The following ZNF462 variants were observed in gnomAD, a reference collection of about 807,000 sequenced individuals.
The protein encoded by ZNF462 is zinc finger PBX1-interacting protein.
ZNF462 carries 10 observed loss-of-function variants against 201.9 expected under a neutral mutation model. The ratio of observed to expected loss-of-function variants is 0.05; its 90% confidence interval spans 0.03 to 0.08. The LOEUF (loss-of-function observed/expected upper bound fraction) is 0.08, where lower values mean the gene tolerates loss of function less well. Among genes scored for constraint, ZNF462 ranks in the 10% least tolerant of loss-of-function variants. ZNF462 has a pLI of 1.00. For missense variants in ZNF462, 2,523 were observed against 3,168.3 expected (o/e 0.80, Z 4.89); for synonymous variants, 1,227 against 1,193.3 (o/e 1.03, Z -0.58).
intron 9 of ZNF462, among the ~76,000 whole-genome samples, chr9:106,983,090 G>A (rs999302214): frequency 2.6e-5 from 4 of 152,132 alleles, no homozygotes; most frequent in Non-Finnish European, 5.9e-5. Context: ...TTTGATTCTT[G>A]CATAAATAGC....
At position 106,902,857 on chromosome 9, in the gene ZNF462, A is replaced by G. The variant is rs1829120062; in HGVS notation, c.-30-20497A>G. On this transcript the variant is annotated intron_variant, in intron 1 of 12. Transcript: ENST00000277225. The surrounding 1 kb of genome is among the most constrained non-coding windows in gnomAD (Gnocchi z 4.2). ...TGCTAATGGTCTATCAATTTTATTT[A>G]TCTTCTCAAAGAACCAGCTTTTGTT... is the stretch of plus-strand genomic sequence containing the variant. Among the ~76,000 whole-genome samples, 2 of 151,522 alleles carry G rather than the reference A, an allele frequency of 1.3e-5. No individual in the cohort carries two copies. The highest frequency in any genetic ancestry group is 6.6e-5 in the Admixed American group (1 of 15,214).
Position 107,010,816 on chromosome 9 carries a change from T to C in ZNF462, c.7314-7T>C. The C allele has an allele frequency of 6.2e-7, 1 of 1,609,686 alleles. No homozygotes were observed. Among genetic ancestry groups the C allele is most frequent in the East Asian group, 2.2e-5 (1 of 44,504 alleles). The stretch of plus-strand genomic sequence containing the variant: ...CTCATCTGTCTCTTCGATAAATGTT[T>C]TTCCAGGGCATTGAATGACACCAAG... On this transcript the variant is annotated splice_region_variant and splice_polypyrimidine_tract_variant and intron_variant, in intron 12 of 12. Coordinates refer to ENST00000277225, the MANE Select transcript of ZNF462 (RefSeq NM_021224.6). This position sits in a 1 kb window ranked among gnomAD's most constrained non-coding sequence, Gnocchi z 4.6.
Position 106,928,678 on chromosome 9 carries a change from T to C in ZNF462, c.4766T>C (p.Leu1589Ser). The change falls in exon 3 of 13, where the codon TTG (leucine) becomes TCG (serine). Residue 1589 changes from leucine to serine, a missense_variant. Leu to Ser is a moderately radical substitution (Grantham distance 145). This residue lies in a region of ZNF462 where 200 missense variants were observed against 281.3 expected (regional missense o/e 0.71). Transcript: ENST00000277225. This position sits in a 1 kb window ranked among gnomAD's most constrained non-coding sequence, Gnocchi z 9.3. The stretch of plus-strand genomic sequence containing the variant: ...CTGTGTCCGTACACACACGGCACTT[T>C]GGAGAAACTAAAAATCCACTACGAG... ...CKLCPYTHGTLEKLKIHYEKY... is the reference protein window; with the variant it reads ...CKLCPYTHGTSEKLKIHYEKY... The C allele has an allele frequency of 8.1e-6, 13 of 1,614,146 alleles. No homozygotes were observed. The highest frequency in any genetic ancestry group is 1.1e-5 in the Non-Finnish European group (13 of 1,180,030).
rs772603965 is a variant in ZNF462 at position 106,974,381 on chromosome 9, C to CACCTT, written c.6832+110_6832+114dup. On this transcript the variant is annotated intron_variant, in intron 9 of 12. Transcript: ENST00000277225. This position sits in a 1 kb window ranked among gnomAD's most constrained non-coding sequence, Gnocchi z 4.0. ...GCAGTAGCACCTGTGCCTTGTTCCT[C>CACCTT]ACCTTATCTTCAGGCAAGAAACCAC... 6.5e-7 allele frequency: 1 copy of CACCTT among 1,531,072 alleles called. No homozygotes were observed. Among genetic ancestry groups the CACCTT allele is most frequent in the South Asian group, 1.1e-5 (1 of 88,748 alleles). The allele number at this position is 1,531,072 out of a possible 1,614,324, so 94.8% of individuals were successfully genotyped here. A position where few individuals can be genotyped will look rare whatever the true frequency, so the allele number is the denominator to read the frequency against.
chr9:106,955,279 C>T (rs1198581645), intron 7 of ZNF462, among the ~76,000 whole-genome samples: 3 of 152,090 alleles, frequency 2.0e-5, no homozygotes, highest in Non-Finnish European at 4.4e-5. Context: ...AAAAGTCATA[C>T]AAATCTTTTG....
rs1829630927 is a variant in ZNF462, at chr9:106,913,381, A to G, written c.-30-9973A>G. On this transcript the variant is annotated intron_variant, in intron 1 of 12. Coordinates refer to ENST00000277225, the MANE Select transcript of ZNF462 (RefSeq NM_021224.6). This position sits in a 1 kb window ranked among gnomAD's most constrained non-coding sequence, Gnocchi z 4.1. ...ATTTTCTCCTGGAAAGCAGGCCTGC[A>G]TACAGTTAGTACTCATAGCACAAAT... 1.3e-5 allele frequency among the ~76,000 whole-genome samples: 2 copies of G among 152,294 alleles called. No homozygotes were observed. Among genetic ancestry groups the G allele is most frequent in the South Asian group, 4.1e-4 (2 of 4,822 alleles).
rs938577169 is a variant in ZNF462 at position 106,956,491 on chromosome 9, A to G, written c.6428-15514A>G. Among the ~76,000 whole-genome samples, 7 of 152,280 alleles carry G rather than the reference A, an allele frequency of 4.6e-5. No homozygotes were observed. In the Middle Eastern group the frequency reaches 0.014, roughly 296 times the overall value. Reference sequence around the variant, plus strand: ...AATTTTAAAGGATTTTTTGAATGGGAAAAGCACTGCTGTCAACATAAAGTC... The same window carrying G: ...AATTTTAAAGGATTTTTTGAATGGGGAAAGCACTGCTGTCAACATAAAGTC... On this transcript the variant is annotated intron_variant, in intron 7 of 12. Coordinates refer to ENST00000277225, the MANE Select transcript of ZNF462 (RefSeq NM_021224.6).
rs138259173 is a variant in ZNF462 at position 106,876,497 on chromosome 9, G to C, written c.-31+13142G>C. ...GTCCCTTTACTGATGAGTAGTCTTT[G>C]CTGCAGTTGTCCATTCCCAGCTAGA... On this transcript the variant is annotated intron_variant, in intron 1 of 12. Coordinates refer to ENST00000277225, the MANE Select transcript of ZNF462 (RefSeq NM_021224.6). This position sits in a 1 kb window ranked among gnomAD's most constrained non-coding sequence, Gnocchi z 4.9. Among the ~76,000 whole-genome samples, 38 of 152,260 alleles carry C rather than the reference G, an allele frequency of 2.5e-4. No individual in the cohort carries two copies. The highest frequency in any genetic ancestry group is 4.9e-4 in the Non-Finnish European group (33 of 68,040).
Position 107,011,331 on chromosome 9 carries a change from T to C in ZNF462, c.*301T>C, listed in dbSNP as rs1829913852. On this transcript the variant is annotated 3_prime_UTR_variant, in exon 13 of 13. Transcript: ENST00000277225. The surrounding 1 kb of genome is among the most constrained non-coding windows in gnomAD (Gnocchi z 5.6). ...CACCTCCCAATGGTACGGTGCACCC[T>C]GTGGTGGTCTTGGACAGTATGTGGA... 8.8e-6 allele frequency: 3 copies of C among 342,192 alleles called. No homozygotes were observed. 21.2% of individuals were successfully genotyped at this position (342,192 alleles called of 1,614,324 possible).
chr9:106,862,955 C>CTCTT, upstream of ZNF462: 1 of 395,544 alleles, frequency 2.5e-6, no homozygotes, highest in Non-Finnish European at 4.4e-6. The surrounding 1 kb of genome is among the most constrained non-coding windows in gnomAD (Gnocchi z 4.2). Context: ...TCTTCCTTCT[C>CTCTT]TCTTTCTGTC....
At chr9:106,921,748 G>T (rs1276091105) in intron 1 of ZNF462, among the ~76,000 whole-genome samples, 2 of 152,174 alleles carry the variant, frequency 1.3e-5, no homozygotes, top group Admixed American at 6.6e-5. Context: ...TGGACTGTGC[G>T]AAAGGAGAAG....
intron 1 of ZNF462, among the ~76,000 whole-genome samples, chr9:106,915,219 T>C (rs963770352): frequency 3.3e-5 from 5 of 151,918 alleles, no homozygotes; most frequent in Non-Finnish European, 7.4e-5. Context: ...TTTTTCTTTT[T>C]TTTTTTAAAA....
chr9:106,929,819 G>A lies in ZNF462; in HGVS notation c.5847+60G>A. On this transcript the variant is annotated intron_variant, in intron 3 of 12. Transcript: ENST00000277225. This position sits in a 1 kb window ranked among gnomAD's most constrained non-coding sequence, Gnocchi z 8.7. ...GGCCTCTCATCACTGGTGCCCACAT[G>A]CACTTCTTCGTTGCCAGCCAAACTG... 1.4e-6 allele frequency: 2 copies of A among 1,467,408 alleles called. No individual in the cohort carries two copies. Among genetic ancestry groups the A allele is most frequent in the South Asian group, 2.7e-5 (2 of 75,274 alleles). 90.9% of individuals were successfully genotyped at this position (1,467,408 alleles called of 1,614,324 possible).
intron 1 of ZNF462, among the ~76,000 whole-genome samples, chr9:106,889,745 C>T (rs886849890): frequency 5.3e-5 from 8 of 152,156 alleles, no homozygotes; most frequent in African/African-American, 2.4e-5. Flanking sequence ...CTTTCAGAGG[C>T]TCATAATCTA....
Position 106,993,868 on chromosome 9 carries a change from C to T in ZNF462, c.7057-9426C>T, listed in dbSNP as rs889533331. On this transcript the variant is annotated intron_variant, in intron 10 of 12. Coordinates refer to ENST00000277225, the MANE Select transcript of ZNF462 (RefSeq NM_021224.6). This position sits in a 1 kb window ranked among gnomAD's most constrained non-coding sequence, Gnocchi z 4.0. ...CAAGCAATCCTCCCACCTTGGCTTC[C>T]CAAAGTACAGGAATTGCAGGTGTGA... Among the ~76,000 whole-genome samples, 9 of 152,076 alleles carry T rather than the reference C, an allele frequency of 5.9e-5. No individual in the cohort carries two copies. Among genetic ancestry groups the T allele is most frequent in the African/African-American group, 2.2e-4 (9 of 41,406 alleles).
rs1045925486 is a variant in ZNF462, at chr9:106,865,057, C to T, written c.-31+1702C>T. Among the ~76,000 whole-genome samples the T allele has an allele frequency of 6.6e-6, 1 of 152,058 alleles. No homozygotes were observed. Among genetic ancestry groups the T allele is most frequent in the African/African-American group, 2.4e-5 (1 of 41,396 alleles). ...TTGCTTGCCTACTCCTTCTCTCTTT[C>T]CAGAGGGAAACCTTGTGGTGGTTCC... On this transcript the variant is annotated intron_variant, in intron 1 of 12. Transcript: ENST00000277225. This position sits in a 1 kb window ranked among gnomAD's most constrained non-coding sequence, Gnocchi z 4.1.
At chr9:106,914,792 G>A (rs1390681394) in intron 1 of ZNF462, among the ~76,000 whole-genome samples, 1 of 152,164 alleles carries the variant, frequency 6.6e-6, no homozygotes, top group East Asian at 1.9e-4. Flanking sequence ...ACTGTGTGTG[G>A]GTTGGTGGTG....
At position 106,933,104 on chromosome 9, in the gene ZNF462, T is replaced by C. The variant is rs1830488744; in HGVS notation, c.6116+555T>C. 6.3e-6 allele frequency: 1 copy of C among 159,826 alleles called. No homozygotes were observed. Among genetic ancestry groups the C allele is most frequent in the South Asian group, 1.7e-4 (1 of 5,770 alleles). 9.9% of individuals were successfully genotyped at this position (159,826 alleles called of 1,614,324 possible). A position where few individuals can be genotyped will look rare whatever the true frequency, so the allele number is the denominator to read the frequency against. On this transcript the variant is annotated intron_variant, in intron 5 of 12. Coordinates refer to ENST00000277225, the MANE Select transcript of ZNF462 (RefSeq NM_021224.6). The surrounding 1 kb of genome is among the most constrained non-coding windows in gnomAD (Gnocchi z 4.3). ...TGAAAGTGTAAATATGGAATAGGTG[T>C]GTAAGGCTTTTTGGGGCCATGGAAA...
At position 106,930,248 on chromosome 9, in the gene ZNF462, G is replaced by C. The variant is rs1014678051; in HGVS notation, c.5848-277G>C. On this transcript the variant is annotated intron_variant, in intron 3 of 12. Coordinates refer to ENST00000277225, the MANE Select transcript of ZNF462 (RefSeq NM_021224.6). This position sits in a 1 kb window ranked among gnomAD's most constrained non-coding sequence, Gnocchi z 5.8. ...TCACCTGCCTAGTTGAAACTGGTTT[G>C]AAAACCAGATGACTTAGTGGCAGTG... 4.6e-5 allele frequency among the ~76,000 whole-genome samples: 7 copies of C among 152,096 alleles called. No homozygotes were observed. Among genetic ancestry groups the C allele is most frequent in the African/African-American group, 1.7e-4 (7 of 41,418 alleles).
Sources: gnomAD v4.1 joint callset for allele counts (sites outside exome capture counted in the v4.1 genomes callset) on GRCh38, gnomAD v4.1.1 for gene constraint, gnomAD v4.1.1 regional missense constraint, Gnocchi (gnomAD v3.1) non-coding constraint, MANE v1.5 for transcripts, NCBI Gene and HGNC (gene_info 2026-07-23, HGNC 2026-07-21) for gene names.